Variants in DEPDC5 observed in about 807,000 individuals in gnomAD.
DEPDC5 encodes the protein DEP domain containing 5, GATOR1 subcomplex subunit.
Under a neutral mutation model 217.3 loss-of-function variants are expected in DEPDC5, and 73 were observed. That is an observed-to-expected ratio of 0.34 (90% CI 0.28 to 0.41). The LOEUF is 0.41. Ranked by LOEUF, DEPDC5 falls within the 10% of genes least tolerant of loss-of-function variation. The pLI is 1.00. For synonymous variants in DEPDC5, 733 were observed against 756.7 expected (o/e 0.97, Z 0.51); for missense variants, 1,675 against 2,070.1 (o/e 0.81, Z 3.70).
At chr22:31,892,494 G>A (rs2093458159) in intron 38 of DEPDC5, among the ~76,000 whole-genome samples, 1 of 152,086 alleles carries the variant, frequency 6.6e-6, no homozygotes, top group Non-Finnish European at 1.5e-5. Context: ...GACCAGCCTG[G>A]CCAACATGGC....
In DEPDC5 at chr22:31,870,524, C is replaced by T. The variant is rs2092811484; in HGVS notation, c.3331-66C>T. 5.6e-6 allele frequency: 8 copies of T among 1,439,152 alleles called. No homozygotes were observed. The East Asian group carries it at 1.8e-4, about 33-fold the overall frequency. 89.1% of individuals were successfully genotyped at this position (1,439,152 alleles called of 1,614,324 possible). ...TTACTGAGTGAATAAGCCAGTACAG[C>T]TTATTTACTGTGTTTTCCTGTCAGT... On this transcript the variant is annotated intron_variant, in intron 33 of 42. Transcript: ENST00000651528.
chr22:31,872,964 A>G (rs568658926), intron 34 of DEPDC5, among the ~76,000 whole-genome samples: 5 of 152,164 alleles, frequency 3.3e-5, no homozygotes, highest in African/African-American at 1.2e-4. Flanking sequence ...TATGTTTGCC[A>G]GGCTGGTCTT....
intron 8 of DEPDC5, among the ~76,000 whole-genome samples, chr22:31,779,951 A>G (rs912129109): frequency 2.0e-5 from 3 of 152,172 alleles, no homozygotes; most frequent in Non-Finnish European, 4.4e-5. Context: ...CAACACTTCC[A>G]TTTAAATCAT....
chr22:31,789,748 A>G (rs997161110), intron 10 of DEPDC5, among the ~76,000 whole-genome samples: 2 of 151,878 alleles, frequency 1.3e-5, no homozygotes, highest in Non-Finnish European at 2.9e-5. Flanking sequence ...TGGGTTTTAA[A>G]TGATCTCATC....
intron 14 of DEPDC5, among the ~76,000 whole-genome samples, chr22:31,802,344 G>C (rs943170160): frequency 7.2e-5 from 11 of 151,992 alleles, no homozygotes; most frequent in African/African-American, 2.7e-4. Flanking sequence ...TGGCCAGGCT[G>C]GTCTCAAACT....
At chr22:31,788,422 G>A (rs1443433776) in intron 10 of DEPDC5, among the ~76,000 whole-genome samples, 2 of 151,036 alleles carry the variant, frequency 1.3e-5, no homozygotes, top group African/African-American at 2.4e-5. Flanking sequence ...CTACAGGCAT[G>A]TGCCACTATG....
In DEPDC5 at chr22:31,810,563, A is replaced by G; in HGVS notation, c.1367A>G (p.Gln456Arg). 2 of 1,614,146 alleles carry G rather than the reference A, an allele frequency of 1.2e-6. No individual in the cohort carries two copies. Among genetic ancestry groups the G allele is most frequent in the Non-Finnish European group, 1.7e-6 (2 of 1,180,040 alleles). Residue 456 changes from glutamine to arginine, a missense_variant, in exon 20 of 43, where the codon CAA becomes CGA. Transcript: ENST00000651528. ...PKESENALPI[Q>R]VDYDAYDAQV... ...GAATCTGAGAACGCCCTTCCCATCCAAGTAGATTATGACGCCTATGACGCT... is the reference window on the plus strand; with the variant it reads ...GAATCTGAGAACGCCCTTCCCATCCGAGTAGATTATGACGCCTATGACGCT...
chr22:31,886,547 G>GT (rs930645080), intron 38 of DEPDC5, among the ~76,000 whole-genome samples: 2 of 151,524 alleles, frequency 1.3e-5, no homozygotes, highest in African/African-American at 4.8e-5. Context: ...ATCACTTGAG[G>GT]TCAGGAGTTT....
At chr22:31,828,408 C>A (rs1038063049) in intron 24 of DEPDC5, among the ~76,000 whole-genome samples, 1 of 142,702 alleles carries the variant, frequency 7.0e-6, no homozygotes, top group Non-Finnish European at 1.5e-5. Context: ...GCCAAGGTCA[C>A]GCCATTGCAC....
chr22:31,834,809 G>A (rs1349404673), intron 25 of DEPDC5, among the ~76,000 whole-genome samples: 1 of 152,102 alleles, frequency 6.6e-6, no homozygotes, highest in East Asian at 1.9e-4. Flanking sequence ...GATTACAGCC[G>A]TGAGCCACCT....
chr22:31,798,512 C>T lies in DEPDC5; in HGVS notation c.872-70C>T, dbSNP rs981322139. The T allele has an allele frequency of 2.7e-5, 37 of 1,385,502 alleles. No individual in the cohort carries two copies. In the African/African-American group the frequency reaches 3.3e-4, roughly 12 times the overall value. 85.8% of individuals were successfully genotyped at this position (1,385,502 alleles called of 1,614,324 possible). On this transcript the variant is annotated intron_variant, in intron 13 of 42. Transcript: ENST00000651528. ...CAGCCTGGGTGACACAGCAAGGCTT[C>T]GTTTAAAATTAAAAAAAAAAGTTCA...
At chr22:31,863,629 G>A (rs892521472) in intron 33 of DEPDC5, among the ~76,000 whole-genome samples, 2 of 152,108 alleles carry the variant, frequency 1.3e-5, no homozygotes, top group Non-Finnish European at 2.9e-5. Flanking sequence ...GGACAATATC[G>A]TAAAACCCTG....
At chr22:31,768,653 A>G (rs1297731752) in intron 6 of DEPDC5, among the ~76,000 whole-genome samples, 161 bp from the exon 7 acceptor site, 2 of 152,140 alleles carry the variant, frequency 1.3e-5, no homozygotes, top group African/African-American at 4.8e-5. Flanking sequence ...TAAATCTATT[A>G]CTCACAAGCT....
chr22:31,764,836 C>T, intron 4 of DEPDC5, 139 bp from the exon 5 acceptor site: 3 of 596,004 alleles, frequency 5.0e-6, no homozygotes, highest in Middle Eastern at 3.8e-4. Context: ...ATTCTAAGCT[C>T]CTGAAAGGAA....
intron 33 of DEPDC5, among the ~76,000 whole-genome samples, chr22:31,869,374 C>T (rs528423392): frequency 1.3e-5 from 2 of 151,980 alleles, no homozygotes; most frequent in South Asian, 4.2e-4. Context: ...GAACAGTTTG[C>T]TAAGGGAGCA....
chr22:31,807,567 G>A (rs1400368416), intron 18 of DEPDC5, among the ~76,000 whole-genome samples: 2 of 152,108 alleles, frequency 1.3e-5, no homozygotes, highest in African/African-American at 4.8e-5. Context: ...GAGTAGCTGG[G>A]ATTACAGGCA....
chr22:31,759,450 T>C (rs900113649), intron 3 of DEPDC5, among the ~76,000 whole-genome samples: 3 of 150,458 alleles, frequency 2.0e-5, no homozygotes, highest in African/African-American at 7.3e-5. Flanking sequence ...CTTGGCTCAC[T>C]GCAATCTCTG....
At chr22:31,871,728 G>T (rs2092849625) in intron 34 of DEPDC5, among the ~76,000 whole-genome samples, 1 of 152,326 alleles carries the variant, frequency 6.6e-6, no homozygotes, top group South Asian at 2.1e-4. Context: ...AGGAATCGGG[G>T]ATATTTAGGC....
chr22:31,859,203 G>C (rs2092424171), intron 32 of DEPDC5: 1 of 140,804 alleles, frequency 7.1e-6, no homozygotes, highest in Non-Finnish European at 1.5e-5. Context: ...CCATTCTCCT[G>C]CCTCAGCCTC....
Sources: gnomAD v4.1 joint callset for allele counts (sites outside exome capture counted in the v4.1 genomes callset) on GRCh38, gnomAD v4.1.1 for gene constraint, MANE v1.5 for transcripts, NCBI Gene and HGNC (gene_info 2026-07-23, HGNC 2026-07-21) for gene names.